Variants in ADAMTSL1 observed in about 807,000 individuals in gnomAD.
ADAMTSL1 encodes ADAMTS like 1.
In ADAMTSL1, 126 loss-of-function variants were observed where a neutral mutation model predicts 201.8. That is an observed-to-expected ratio of 0.62 (90% confidence interval 0.54 to 0.72). The LOEUF is 0.72. Among genes scored for constraint, ADAMTSL1 ranks in the 30% least tolerant of loss-of-function variants. ADAMTSL1 has a pLI of 0.00. For missense variants in ADAMTSL1, 2,679 were observed against 2,277.8 expected (o/e 1.18, Z -3.59); for synonymous variants, 1,121 against 903.4 (o/e 1.24, Z -4.32).
In ADAMTSL1 at chr9:18,247,297, T is replaced by A. The variant is rs114638071; in HGVS notation, c.207+83316T>A. ...CACTAATAAAATTATCAGGGTGCCC[T>A]AATGAGTAACAAGATATAGTAGATA... On this transcript the variant is annotated intron_variant, in intron 2 of 29. Coordinates refer to the ADAMTSL1 transcript ENST00000680146. 3.8e-3 allele frequency among the ~76,000 whole-genome samples: 572 copies of A among 152,300 alleles called. 3 individuals are homozygous for A. Among genetic ancestry groups the A allele is most frequent in the African/African-American group, 0.013 (543 of 41,570 alleles).
At chr9:18,453,072 G>A (rs949414365) in intron 2 of ADAMTSL1, among the ~76,000 whole-genome samples, 3 of 152,198 alleles carry the variant, frequency 2.0e-5, no homozygotes, top group African/African-American at 7.2e-5. Context: ...AATTTAGATG[G>A]AGGAAGCCAT....
chr9:18,723,095 G>A, intron 15 of ADAMTSL1: 1 of 776,304 alleles, frequency 1.3e-6, no homozygotes. Context: ...TCATCCTGCT[G>A]TCACCAACTA....
intron 4 of ADAMTSL1, among the ~76,000 whole-genome samples, chr9:18,583,048 T>C (rs1439467526): frequency 1.3e-5 from 2 of 152,120 alleles, no homozygotes; most frequent in Admixed American, 1.3e-4. Context: ...CTTTTGTAAA[T>C]TGCTCGGTCT....
intron 2 of ADAMTSL1, among the ~76,000 whole-genome samples, chr9:18,297,671 C>A (rs1833527037): frequency 6.6e-6 from 1 of 150,976 alleles, no homozygotes; most frequent in Admixed American, 6.6e-5. Context: ...TGGTTAGGCT[C>A]CCAAATACCT....
intron 1 of ADAMTSL1, among the ~76,000 whole-genome samples, chr9:18,159,609 G>A (rs1827301126): frequency 6.6e-6 from 1 of 151,964 alleles, no homozygotes; most frequent in African/African-American, 2.4e-5. Context: ...CGGTTGCTCT[G>A]TATTTTAACT....
chr9:17,978,012 C>G (rs1028549348), intron 1 of ADAMTSL1, among the ~76,000 whole-genome samples: 7 of 151,894 alleles, frequency 4.6e-5, no homozygotes, highest in Non-Finnish European at 4.4e-5. Flanking sequence ...ATGATTGTTT[C>G]TATTCTCTTG....
intron 1 of ADAMTSL1, among the ~76,000 whole-genome samples, chr9:18,033,780 TTGAGTATAC>T (rs1821077129): frequency 6.6e-6 from 1 of 152,224 alleles, no homozygotes; most frequent in African/African-American, 2.4e-5. Flanking sequence ...TTTGCAGCCC[TTGAGTATAC>T]CCATTAACCT....
chr9:18,409,723 G>A (rs987341938), intron 2 of ADAMTSL1, among the ~76,000 whole-genome samples: 1 of 150,080 alleles, frequency 6.7e-6, no homozygotes, highest in African/African-American at 2.4e-5. Flanking sequence ...ATGTATGTAT[G>A]TATACATATA....
chr9:18,513,442 C>T (rs1274708897), intron 2 of ADAMTSL1, among the ~76,000 whole-genome samples: 1 of 152,188 alleles, frequency 6.6e-6, no homozygotes, highest in African/African-American at 2.4e-5. Flanking sequence ...AGGATAATGG[C>T]CTCAGAGTTC....
At chr9:17,977,051 T>C (rs1818481517) in intron 1 of ADAMTSL1, among the ~76,000 whole-genome samples, 1 of 152,082 alleles carries the variant, frequency 6.6e-6, no homozygotes, top group Non-Finnish European at 1.5e-5. Flanking sequence ...ATGTTAAATT[T>C]CATCGGATGC....
chr9:18,549,466 G>A (rs1473292856), intron 3 of ADAMTSL1, among the ~76,000 whole-genome samples: 1 of 151,978 alleles, frequency 6.6e-6, no homozygotes, highest in Admixed American at 6.6e-5. Flanking sequence ...AACTACTACA[G>A]GCTACATTTG....
intron 2 of ADAMTSL1, among the ~76,000 whole-genome samples, chr9:18,271,779 T>C (rs1183293907): frequency 6.6e-6 from 1 of 152,218 alleles, no homozygotes; most frequent in Non-Finnish European, 1.5e-5. Flanking sequence ...TGAACCAGTT[T>C]ACACTCCCAC....
intron 7 of ADAMTSL1, among the ~76,000 whole-genome samples, chr9:18,650,387 C>T (rs1024076969): frequency 2.0e-5 from 3 of 152,086 alleles, no homozygotes; most frequent in Admixed American, 6.5e-5. Flanking sequence ...GTGCACAGCG[C>T]GCTGCACCCA....
chr9:18,176,280 A>G (rs145233721), intron 2 of ADAMTSL1, among the ~76,000 whole-genome samples: 4 of 152,254 alleles, frequency 2.6e-5, no homozygotes, highest in East Asian at 1.9e-4. Flanking sequence ...AGCCCATGGA[A>G]CAGAATCTTA....
chr9:18,720,895 T>A (rs184661706), intron 14 of ADAMTSL1, among the ~76,000 whole-genome samples: 6 of 152,352 alleles, frequency 3.9e-5, no homozygotes, highest in Middle Eastern at 3.4e-3. Flanking sequence ...TCACTAGCTC[T>A]GAGTCAGGGC....
At chr9:18,649,958 G>A (rs1184980059) in intron 7 of ADAMTSL1, among the ~76,000 whole-genome samples, 2 of 152,280 alleles carry the variant, frequency 1.3e-5, no homozygotes, top group African/African-American at 4.8e-5. Flanking sequence ...AGACGTTACT[G>A]CTGTCTTTTT....
intron 2 of ADAMTSL1, among the ~76,000 whole-genome samples, chr9:18,188,299 G>C (rs1374907225): frequency 2.0e-5 from 3 of 152,148 alleles, no homozygotes; most frequent in Non-Finnish European, 4.4e-5. Context: ...GCAGTCTTTA[G>C]GAATTAGTTG....
intron 1 of ADAMTSL1, among the ~76,000 whole-genome samples, chr9:18,013,561 G>A (rs1170069260): frequency 6.6e-6 from 1 of 151,942 alleles, no homozygotes; most frequent in Non-Finnish European, 1.5e-5. Flanking sequence ...CAAAAAACAC[G>A]GATTCTAAAA....
intron 1 of ADAMTSL1, among the ~76,000 whole-genome samples, chr9:18,043,993 T>G (rs1008344719): frequency 2.0e-5 from 3 of 147,330 alleles, no homozygotes; most frequent in African/African-American, 5.1e-5. Flanking sequence ...TGCCTTCCCA[T>G]CTAGTATGTT....
Sources: allele counts gnomAD v4.1 joint callset (sites outside exome capture counted in the v4.1 genomes callset), GRCh38; gene constraint gnomAD v4.1.1; transcripts MANE v1.5; gene names NCBI Gene and HGNC (gene_info 2026-07-23, HGNC 2026-07-21).